Variants in ATAD2B observed in about 807,000 individuals in gnomAD.
ATAD2B encodes ATPase family AAA domain-containing protein 2B.
A neutral mutation model predicts 167.6 loss-of-function variants in ATAD2B; 40 were observed. The observed-to-expected ratio is 0.24, with a 90% CI of 0.19 to 0.31. The LOEUF (loss-of-function observed/expected upper bound fraction) is 0.31, where lower values mean the gene tolerates loss of function less well. Among genes scored for constraint, ATAD2B ranks in the 10% least tolerant of loss-of-function variants. ATAD2B has a pLI of 1.00. For missense variants in ATAD2B, 1,242 were observed against 1,757.2 expected (o/e 0.71, Z 5.24); for synonymous variants, 579 against 596.5 (o/e 0.97, Z 0.43).
intron 18 of ATAD2B, among the ~76,000 whole-genome samples, chr2:23,806,742 C>T (rs367976569): frequency 7.2e-5 from 11 of 152,210 alleles, no homozygotes; most frequent in South Asian, 2.1e-4. Flanking sequence ...GTAATAAGCA[C>T]GATTATAACT....
chr2:23,710,980 A>G, the ATAD2B span, among the ~76,000 whole-genome samples: 7 of 152,172 alleles, frequency 4.6e-5, no homozygotes. Flanking sequence ...ACACTGTGCT[A>G]AGCACTGGCT....
intron 24 of ATAD2B, among the ~76,000 whole-genome samples, chr2:23,759,134 G>C (rs1676318168): frequency 6.6e-6 from 1 of 152,114 alleles, no homozygotes; most frequent in Non-Finnish European, 1.5e-5. Context: ...ACTTATGCTA[G>C]AGCTGAATCA....
At chr2:23,764,432 GGGTAATA>G (rs1677140876) in intron 23 of ATAD2B, among the ~76,000 whole-genome samples, 1 of 152,144 alleles carries the variant, frequency 6.6e-6, no homozygotes, top group Non-Finnish European at 1.5e-5. Context: ...AAGCTGAAGT[GGGTAATA>G]GGCAGACATT....
At chr2:23,924,443 C>A (rs570463507) in intron 1 of ATAD2B, among the ~76,000 whole-genome samples, 69 of 152,072 alleles carry the variant, frequency 4.5e-4, no homozygotes, top group Non-Finnish European at 8.1e-4. Flanking sequence ...TAAATTCCTA[C>A]AAAACTGGAG....
chr2:23,753,964 G>A (rs1675658693), intron 27 of ATAD2B, among the ~76,000 whole-genome samples: 1 of 152,046 alleles, frequency 6.6e-6, no homozygotes, highest in Admixed American at 6.6e-5. Flanking sequence ...CAAAAAAAAG[G>A]AACCCCAGAT....
intron 22 of ATAD2B, among the ~76,000 whole-genome samples, chr2:23,776,803 G>A (rs1679208768): frequency 1.3e-5 from 2 of 151,996 alleles, no homozygotes; most frequent in African/African-American, 4.8e-5. Flanking sequence ...AATAATATTT[G>A]TTATTATAAT....
intron 1 of ATAD2B, among the ~76,000 whole-genome samples, chr2:23,899,918 C>CTTTT (rs34685891): frequency 4.2e-4 from 35 of 83,600 alleles, no homozygotes; most frequent in Non-Finnish European, 5.9e-4. Flanking sequence ...AGTTTTCTTA[C>CTTTT]TTTTTTTTTT....
intron 8 of ATAD2B, chr2:23,872,433 G>A (rs1696137721): frequency 2.8e-6 from 2 of 718,990 alleles, no homozygotes; most frequent in Non-Finnish European, 5.2e-6. Flanking sequence ...GTTTCACAAT[G>A]CCCCAGAGGC....
rs1687202318 is a variant in ATAD2B at position 23,819,959 on chromosome 2, T to C, written c.2132-77A>G. 3 of 1,086,956 alleles carry C rather than the reference T, an allele frequency of 2.8e-6. No homozygotes were observed. In the South Asian group the frequency reaches 5.2e-5, roughly 19 times the overall value. The allele number at this position is 1,086,956 out of a possible 1,614,324, so 67.3% of individuals were successfully genotyped here. A position where few individuals can be genotyped will look rare whatever the true frequency, so the allele number is the denominator to read the frequency against. ...CGTGCCCTACCAAAGCTAAGAAAAATTGGGTTAAAAAATCAAATGACATTA... is the reference window on the plus strand; with the variant it reads ...CGTGCCCTACCAAAGCTAAGAAAAACTGGGTTAAAAAATCAAATGACATTA... On this transcript the variant is annotated intron_variant, in intron 16 of 27. Coordinates refer to ENST00000238789, the MANE Select transcript of ATAD2B (RefSeq NM_017552.4).
intron 13 of ATAD2B, among the ~76,000 whole-genome samples, chr2:23,843,763 G>A (rs1252513099): frequency 6.6e-6 from 1 of 152,188 alleles, no homozygotes; most frequent in Admixed American, 6.5e-5. Context: ...CTAGAAATAA[G>A]AGTACTCTAC....
At chr2:23,883,453 A>G in intron 6 of ATAD2B, 1 of 247,800 alleles carries the variant, frequency 4.0e-6, no homozygotes, top group South Asian at 5.9e-5. Flanking sequence ...TAAATATCCA[A>G]AACATTACTT....
In ATAD2B at chr2:23,858,136, T is replaced by A. The variant is rs182435641; in HGVS notation, c.1480-633A>T. Among the ~76,000 whole-genome samples the A allele has an allele frequency of 1.4e-3, 210 of 146,388 alleles. 1 individual carries two copies. The highest frequency in any genetic ancestry group is 2.6e-3 in the Non-Finnish European group (171 of 64,652). On this transcript the variant is annotated intron_variant, in intron 12 of 27. Transcript: ENST00000238789. ...GTTTTATTTATTTATTTATTTATTT[T>A]TTGAGACAGAGTCTTGCTCTGTCAC...
the ATAD2B span, among the ~76,000 whole-genome samples, chr2:23,714,412 T>TTTG: frequency 1.3e-5 from 2 of 149,456 alleles, no homozygotes; most frequent in Non-Finnish European, 3.0e-5. Context: ...GCAAATTTTT[T>TTTG]TTTTTTTTTA....
chr2:23,910,830 T>G (rs1402201006), intron 1 of ATAD2B, among the ~76,000 whole-genome samples: 1 of 151,928 alleles, frequency 6.6e-6, no homozygotes, highest in Non-Finnish European at 1.5e-5. Flanking sequence ...GTCGCACCAC[T>G]GCACTCCAGC....
chr2:23,724,752 C>G, the ATAD2B span, among the ~76,000 whole-genome samples: 3 of 151,942 alleles, frequency 2.0e-5, no homozygotes, highest in Non-Finnish European at 4.4e-5. Context: ...TCTTTAAAAG[C>G]AGCCAGAGAG....
At chr2:23,690,051 G>GC in the ATAD2B span, 1 of 152,274 alleles carries the variant, frequency 6.6e-6, no homozygotes. Context: ...TGTGGGGAGG[G>GC]CCTACTGTGG....
chr2:23,883,648 T>C (rs887503441), intron 6 of ATAD2B: 32 of 1,275,994 alleles, frequency 2.5e-5, no homozygotes, highest in African/African-American at 2.3e-4. Flanking sequence ...GTAACAACAA[T>C]AATATTTGCT....
chr2:23,687,148 AC>A, the ATAD2B span, among the ~76,000 whole-genome samples: 10 of 152,164 alleles, frequency 6.6e-5, no homozygotes, highest in Admixed American at 2.0e-4. Flanking sequence ...CAGTGGCTCC[AC>A]GCTCAGGCAG....
At chr2:23,785,941 C>CT (rs1028391347) in intron 21 of ATAD2B, 86 bp downstream of exon 21, 78 of 1,265,394 alleles carry the variant, frequency 6.2e-5, no homozygotes, top group Middle Eastern at 2.4e-4. Flanking sequence ...CATGCCTTTG[C>CT]TTTTTTTTCC....
Sources: gnomAD v4.1 joint callset for allele counts (sites outside exome capture counted in the v4.1 genomes callset) on GRCh38, gnomAD v4.1.1 for gene constraint, MANE v1.5 for transcripts, NCBI Gene and HGNC (gene_info 2026-07-23, HGNC 2026-07-21) for gene names.